Variants in KANK3 observed in about 807,000 individuals in gnomAD.
KANK3 encodes the protein KN motif and ankyrin repeat domain-containing protein 3.
A neutral mutation model predicts 65.4 loss-of-function variants in KANK3; 61 were observed. The ratio of observed to expected loss-of-function variants is 0.93; its 90% CI spans 0.76 to 1.15. The LOEUF is 1.15. KANK3 is among the 50% of genes most tolerant of loss of function. KANK3 has a pLI of 0.00. For missense variants in KANK3, 1,187 were observed against 1,178.8 expected, an observed-to-expected ratio of 1.01 and a Z score of -0.10; for synonymous variants, 586 against 543.3, an observed-to-expected ratio of 1.08 and a Z score of -1.09.
rs764023679 is a variant in KANK3 at position 8,324,512 on chromosome 19, A to T, written c.2319T>A (p.Ala773=). ...GCAGAGCGGCCACCTCATCCTGCTC[A>T]GCCTCCAGGGCGATGGCCAGGGCAC... The part of the protein sequence containing the change: ...GTSALAIALE[A]EQDEVAALLH... The change falls in exon 10 of 11, where the codon GCT becomes GCA. Residue 773 remains alanine (A), a synonymous_variant. Transcript: ENST00000330915. The T allele has an allele frequency of 1.9e-6, 3 of 1,613,530 alleles. No homozygotes were observed. The highest frequency in any genetic ancestry group is 2.2e-5 in the South Asian group (2 of 91,016).
At chr19:8,332,724 G>A (rs1289878923) in intron 7 of KANK3, 2 of 162,762 alleles carry the variant, frequency 1.2e-5, no homozygotes, top group African/African-American at 4.8e-5. Flanking sequence ...GGCTGAGGCA[G>A]GAGAATCGCT....
Position 8,333,606 on chromosome 19 carries a change from G to A in KANK3, c.1719+118C>T. The A allele has an allele frequency of 1.3e-6, 1 of 781,450 alleles. No individual in the cohort carries two copies. Among genetic ancestry groups the A allele is most frequent in the South Asian group, 2.1e-5 (1 of 47,314 alleles). 48.4% of individuals were successfully genotyped at this position (781,450 alleles called of 1,614,324 possible). On this transcript the variant is annotated intron_variant, in intron 6 of 10. Transcript: ENST00000330915. This position sits in a 1 kb window ranked among gnomAD's most constrained non-coding sequence, Gnocchi z 5.0. ...AAGGAGATCCCTTCGGAGAGCCTGGGGTCAGGCGAGGTGCCTGGCGGGAAG... is the reference window on the plus strand; with the variant it reads ...AAGGAGATCCCTTCGGAGAGCCTGGAGTCAGGCGAGGTGCCTGGCGGGAAG...
chr19:8,323,557 C>G (rs573790867), intron 10 of KANK3: 1 of 150,328 alleles, frequency 6.7e-6, no homozygotes, highest in African/African-American at 2.4e-5. Context: ...CAGAACGAGA[C>G]TCTTGTCTTC....
intron 3 of KANK3, 40 bp from the exon 4 acceptor site, chr19:8,334,459 C>A: frequency 1.9e-6 from 3 of 1,610,814 alleles, no homozygotes; most frequent in Non-Finnish European, 2.5e-6. Flanking sequence ...TCGAGTCCGG[C>A]GCCGAGTAAG....
In KANK3 at chr19:8,332,998, C is replaced by A. The variant is rs868741679; in HGVS notation, c.1936+16G>T. The stretch of plus-strand genomic sequence containing the variant: ...CCCATTTCCTGGTGTCCCACCCACC[C>A]TCCCTTGGCTCTGACCCGTATCCAG... On this transcript the variant is annotated intron_variant, in intron 7 of 10. Coordinates refer to ENST00000330915, the MANE Select transcript of KANK3 (RefSeq NM_198471.3). 3.3e-6 allele frequency: 4 copies of A among 1,226,732 alleles called. No individual in the cohort carries two copies. Among genetic ancestry groups the A allele is most frequent in the Non-Finnish European group, 4.6e-6 (4 of 865,406 alleles). 76.0% of individuals were successfully genotyped at this position (1,226,732 alleles called of 1,614,324 possible).
At position 8,325,044 on chromosome 19, in the gene KANK3, C is replaced by CA; in HGVS notation, c.1988dup (p.Ala664GlyfsTer24). On this transcript the variant is annotated frameshift_variant, in exon 8 of 11. Coordinates refer to ENST00000330915, the MANE Select transcript of KANK3 (RefSeq NM_198471.3). LOFTEE classifies it high-confidence loss of function. ...CCTGCCTCACAGAGGTGAGTGCAGCCAGCATGAGGGCCGAGTAGCCGGCTC... is the reference window on the plus strand; with the variant it reads ...CCTGCCTCACAGAGGTGAGTGCAGCCAAGCATGAGGGCCGAGTAGCCGGCTC... The CA allele has an allele frequency of 6.2e-7, 1 of 1,613,998 alleles. No individual in the cohort carries two copies. Among genetic ancestry groups the CA allele is most frequent in the Non-Finnish European group, 8.5e-7 (1 of 1,180,026 alleles).
At chr19:8,329,406 G>A (rs535983241) in intron 7 of KANK3, among the ~76,000 whole-genome samples, 1 of 141,678 alleles carries the variant, frequency 7.1e-6, no homozygotes, top group African/African-American at 2.7e-5. Context: ...AGAATCACTC[G>A]AACCCGGGAG....
chr19:8,330,690 T>G (rs1205422216), intron 7 of KANK3, among the ~76,000 whole-genome samples: 1 of 150,174 alleles, frequency 6.7e-6, no homozygotes, highest in African/African-American at 2.5e-5. Flanking sequence ...ATTGTGCCAT[T>G]GCACTGTAGC....
Position 8,333,350 on chromosome 19 carries a change from A to T in KANK3, c.1720-120T>A, listed in dbSNP as rs1970564869. 2 of 791,940 alleles carry T rather than the reference A, an allele frequency of 2.5e-6. No homozygotes were observed. Among genetic ancestry groups the T allele is most frequent in the Admixed American group, 5.4e-5 (2 of 36,698 alleles). The allele number at this position is 791,940 out of a possible 1,614,324, so 49.1% of individuals were successfully genotyped here. A position where few individuals can be genotyped will look rare whatever the true frequency, so the allele number is the denominator to read the frequency against. On this transcript the variant is annotated intron_variant, in intron 6 of 10. Transcript: ENST00000330915. The surrounding 1 kb of genome is among the most constrained non-coding windows in gnomAD (Gnocchi z 5.0). ...TTTGGCGTTTCCAGGCAAGTAAGGA[A>T]GGTCACTCCTCGTCCAGGTGGGGAG...
At chr19:8,326,254 C>T (rs1970425115) in intron 7 of KANK3, among the ~76,000 whole-genome samples, 1 of 151,948 alleles carries the variant, frequency 6.6e-6, no homozygotes, top group Non-Finnish European at 1.5e-5. Context: ...ATGTGGTGAA[C>T]CCCATCTCTA....
At chr19:8,328,382 C>T (rs1970463688) in intron 7 of KANK3, among the ~76,000 whole-genome samples, 1 of 142,628 alleles carries the variant, frequency 7.0e-6, no homozygotes. Flanking sequence ...CACTCACCAC[C>T]CCCACCACAC....
At chr19:8,325,245 T>G in intron 7 of KANK3, 149 bp from the exon 8 acceptor site, 1 of 658,336 alleles carries the variant, frequency 1.5e-6, no homozygotes, top group Non-Finnish European at 2.4e-6. Flanking sequence ...CCTCCCTCAC[T>G]AAGGTGTTGC....
intron 1 of KANK3, among the ~76,000 whole-genome samples, chr19:8,341,360 G>T (rs1313207606): frequency 1.3e-5 from 2 of 151,262 alleles, no homozygotes; most frequent in Non-Finnish European, 2.9e-5. Context: ...AAATAGCTGA[G>T]ACTACAGGAA....
chr19:8,333,339 G>A lies in KANK3; in HGVS notation c.1720-109C>T. On this transcript the variant is annotated intron_variant, in intron 6 of 10. Transcript: ENST00000330915. This position sits in a 1 kb window ranked among gnomAD's most constrained non-coding sequence, Gnocchi z 5.0. Reference sequence around the variant, plus strand: ...GAAGAGACCCATTTGGCGTTTCCAGGCAAGTAAGGAAGGTCACTCCTCGTC... The same window carrying A: ...GAAGAGACCCATTTGGCGTTTCCAGACAAGTAAGGAAGGTCACTCCTCGTC... 1.1e-6 allele frequency: 1 copy of A among 896,662 alleles called. No individual in the cohort carries two copies. Among genetic ancestry groups the A allele is most frequent in the Non-Finnish European group, 1.7e-6 (1 of 599,110 alleles). 55.5% of individuals were successfully genotyped at this position (896,662 alleles called of 1,614,324 possible). A position where few individuals can be genotyped will look rare whatever the true frequency, so the allele number is the denominator to read the frequency against.
chr19:8,332,869 A>G, intron 7 of KANK3, 145 bp downstream of exon 7: 1 of 436,638 alleles, frequency 2.3e-6, no homozygotes, highest in Non-Finnish European at 4.1e-6. Flanking sequence ...TTAAAATAAA[A>G]TAAAATAAAC....
chr19:8,341,846 C>G (rs1005629978), intron 1 of KANK3, among the ~76,000 whole-genome samples: 1 of 152,178 alleles, frequency 6.6e-6, no homozygotes, highest in African/African-American at 2.4e-5. Flanking sequence ...TTCCTATGAT[C>G]ATTGTCCCTT....
intron 7 of KANK3, among the ~76,000 whole-genome samples, chr19:8,331,637 C>T (rs951034112): frequency 1.3e-5 from 2 of 152,154 alleles, no homozygotes; most frequent in Admixed American, 6.5e-5. Context: ...TCAGGGCAAG[C>T]AGCTGGAGGT....
chr19:8,324,719 C>G lies in KANK3; in HGVS notation c.2194G>C (p.Ala732Pro). ...CCATACTCACTGGCACACATCAGCGCTGTGGCCCCATCCGCATCCTGCGCA... is the reference window on the plus strand; with the variant it reads ...CCATACTCACTGGCACACATCAGCGGTGTGGCCCCATCCGCATCCTGCGCA... The part of the protein sequence containing the change: ...VNAQDADGAT[A>P]LMCASEYGRL... Residue 732 changes from alanine (A) to proline (P), a missense_variant, in exon 9 of 11, where the codon GCG becomes CCG. Transcript: ENST00000330915. 7 of 1,614,046 alleles carry G rather than the reference C, an allele frequency of 4.3e-6. No individual in the cohort carries two copies. The highest frequency in any genetic ancestry group is 5.9e-6 in the Non-Finnish European group (7 of 1,180,024).
intron 7 of KANK3, among the ~76,000 whole-genome samples, chr19:8,328,448 T>C (rs1182105267): frequency 6.8e-6 from 1 of 147,868 alleles, no homozygotes; most frequent in Non-Finnish European, 1.5e-5. Flanking sequence ...AAACTACACA[T>C]TCCTGAAAGT....
Sources: allele counts gnomAD v4.1 joint callset (sites outside exome capture counted in the v4.1 genomes callset), GRCh38; gene constraint gnomAD v4.1.1; non-coding constraint Gnocchi (gnomAD v3.1); transcripts MANE v1.5; gene names NCBI Gene and HGNC (gene_info 2026-07-23, HGNC 2026-07-21).